AKAP13: variants seen among roughly 807,000 people sequenced by gnomAD.
AKAP13 encodes the protein A-kinase anchoring protein 13, also known as A-kinase anchor protein 13.
AKAP13 carries 80 observed loss-of-function variants against 264.5 expected under a neutral mutation model. The ratio of observed to expected loss-of-function variants is 0.30; its 90% CI spans 0.25 to 0.36. AKAP13 has a LOEUF of 0.36. AKAP13 is among the 10% of genes least tolerant of loss of function. The probability of loss-of-function intolerance (pLI) is 1.00; values close to 1 mark genes in which losing one functional copy is unlikely to be tolerated. For synonymous variants in AKAP13, 1,380 were observed against 1,250.2 expected (o/e 1.10, Z -2.19); for missense variants, 3,712 against 3,435.2 (o/e 1.08, Z -2.01).
At chr15:85,471,832 T>G (rs2074971952) in intron 1 of AKAP13, among the ~76,000 whole-genome samples, 1 of 152,232 alleles carries the variant, frequency 6.6e-6, no homozygotes, top group Non-Finnish European at 1.5e-5. Flanking sequence ...GATTTGAATA[T>G]TTTAAGTCAT....
At chr15:85,611,268 G>A (rs1200627966) in intron 8 of AKAP13, among the ~76,000 whole-genome samples, 3 of 152,078 alleles carry the variant, frequency 2.0e-5, no homozygotes, top group Non-Finnish European at 4.4e-5. Flanking sequence ...CTGAGTTCCA[G>A]TCACACACTT....
intron 2 of AKAP13, among the ~76,000 whole-genome samples, chr15:85,517,005 A>T (rs543934939): frequency 2.0e-5 from 3 of 152,314 alleles, no homozygotes; most frequent in African/African-American, 7.2e-5. Context: ...AGCCTATATC[A>T]TGTAATTTTT....
At chr15:85,460,357 C>T (rs1036870833) in intron 1 of AKAP13, among the ~76,000 whole-genome samples, 1 of 152,192 alleles carries the variant, frequency 6.6e-6, no homozygotes, top group East Asian at 1.9e-4. Context: ...GCTCGCCCTG[C>T]ATTTTACCCA....
At chr15:85,716,422 C>G (rs946898751) in intron 20 of AKAP13, among the ~76,000 whole-genome samples, 1 of 151,794 alleles carries the variant, frequency 6.6e-6, no homozygotes, top group African/African-American at 2.4e-5. Flanking sequence ...CTCACTCACT[C>G]GTTTGCACTG....
At chr15:85,597,423 G>A (rs1220439818) in intron 8 of AKAP13, among the ~76,000 whole-genome samples, 3 of 152,136 alleles carry the variant, frequency 2.0e-5, no homozygotes, top group Non-Finnish European at 4.4e-5. Flanking sequence ...TGTTTCTGCT[G>A]GAGATTCTTA....
chr15:85,517,742 G>T (rs528387232), intron 2 of AKAP13, among the ~76,000 whole-genome samples: 3 of 152,064 alleles, frequency 2.0e-5, no homozygotes, highest in African/African-American at 7.2e-5. Flanking sequence ...ATATGGGGGT[G>T]GGGGGAGCTA....
At position 85,693,473 on chromosome 15, in the gene AKAP13, C is replaced by T. The variant is rs74665718; in HGVS notation, c.5464+22C>T. 11,107 of 1,608,808 alleles carry T rather than the reference C, an allele frequency of 6.9e-3. 94 individuals are homozygous for T. Among genetic ancestry groups the T allele is most frequent in the Admixed American group, 0.035 (2,071 of 58,474 alleles). Reference sequence around the variant, plus strand: ...GCAAGTAAGAGACATGCTTCTTCCTCTCGTAAGATGGAACTCTCTTGGCTC... The same window carrying T: ...GCAAGTAAGAGACATGCTTCTTCCTTTCGTAAGATGGAACTCTCTTGGCTC... On this transcript the variant is annotated intron_variant, in intron 17 of 36. Transcript: ENST00000394518.
At chr15:85,676,131 T>A (rs2084215831) in intron 14 of AKAP13, among the ~76,000 whole-genome samples, 1 of 152,142 alleles carries the variant, frequency 6.6e-6, no homozygotes, top group Admixed American at 6.5e-5. Context: ...CAGGCTAGTC[T>A]CAAACTCCTG....
intron 1 of AKAP13, among the ~76,000 whole-genome samples, chr15:85,423,061 C>G (rs1282539365): frequency 6.6e-6 from 1 of 152,148 alleles, no homozygotes; most frequent in Non-Finnish European, 1.5e-5. Context: ...AAAAATATTG[C>G]TAAAAAATGC....
intron 8 of AKAP13, among the ~76,000 whole-genome samples, chr15:85,587,453 A>G (rs1051573570): frequency 2.0e-5 from 3 of 151,988 alleles, no homozygotes; most frequent in Non-Finnish European, 4.4e-5. Context: ...GTGGATTTGG[A>G]TTGTTTCCAC....
chr15:85,425,001 A>G (rs1264785913), intron 1 of AKAP13, among the ~76,000 whole-genome samples: 2 of 152,190 alleles, frequency 1.3e-5, no homozygotes, highest in Non-Finnish European at 2.9e-5. Context: ...AACAATTACA[A>G]TAGTAAAATA....
chr15:85,417,053 T>G (rs1176601355), intron 1 of AKAP13, among the ~76,000 whole-genome samples: 2 of 152,254 alleles, frequency 1.3e-5, no homozygotes, highest in Non-Finnish European at 2.9e-5. Flanking sequence ...AAAAGAAAAT[T>G]AATGCTTAAC....
chr15:85,653,544 A>T (rs1475222615), intron 10 of AKAP13, among the ~76,000 whole-genome samples: 1 of 152,222 alleles, frequency 6.6e-6, no homozygotes, highest in African/African-American at 2.4e-5. Flanking sequence ...GTGCTTTTAG[A>T]AGGTAGTGTG....
chr15:85,699,714 T>A (rs1431830415), intron 17 of AKAP13, among the ~76,000 whole-genome samples: 1 of 152,242 alleles, frequency 6.6e-6, no homozygotes, highest in Non-Finnish European at 1.5e-5. Context: ...AGTTGGTATT[T>A]GATTTGAGAA....
rs773151980 is a variant in AKAP13, at chr15:85,741,457, C to T, written c.8020C>T (p.Arg2674Trp). Residue 2674 changes from arginine to tryptophan, a missense_variant, in exon 35 of 37, where the codon CGG (arginine) becomes TGG (tryptophan). Coordinates refer to ENST00000394518, the MANE Select transcript of AKAP13 (RefSeq NM_007200.5). ...EQEQLRREAE[R>W]LSQRQTERDL... ...GGAGCAGCTGCGCCGGGAGGCAGAG[C>T]GGCTCAGCCAGCGGCAGACAGAACG... 5 of 1,605,690 alleles carry T rather than the reference C, an allele frequency of 3.1e-6. No homozygotes were observed. The highest frequency in any genetic ancestry group is 1.3e-5 in the African/African-American group (1 of 74,866).
chr15:85,536,208 A>G (rs1418472065), intron 4 of AKAP13: 2 of 152,218 alleles, frequency 1.3e-5, no homozygotes, highest in East Asian at 3.8e-4. Context: ...CTGTTGCACA[A>G]AATTGCTCAA....
intron 1 of AKAP13, among the ~76,000 whole-genome samples, chr15:85,431,784 A>G (rs2073033407): frequency 6.6e-6 from 1 of 152,222 alleles, no homozygotes; most frequent in African/African-American, 2.4e-5. Flanking sequence ...TGTAGGCAAT[A>G]TGAAACTCAA....
intron 10 of AKAP13, among the ~76,000 whole-genome samples, chr15:85,649,541 AACCATG>A (rs1405852044): frequency 6.6e-6 from 1 of 152,186 alleles, no homozygotes; most frequent in African/African-American, 2.4e-5. Flanking sequence ...TTTTTCTGTG[AACCATG>A]AGTGGTACAT....
chr15:85,743,504 C>G lies in AKAP13; in HGVS notation c.8071C>G (p.His2691Asp). Residue 2691 changes from histidine (H) to aspartate (D), a missense_variant, in exon 36 of 37, where the codon CAT becomes GAT. His to Asp is a moderately conservative substitution (Grantham distance 81, BLOSUM62 -1). Around this residue, in one of 3 missense-constraint regions of AKAP13, gnomAD observed 611 missense variants for 539.3 expected, o/e 1.13. Coordinates refer to ENST00000394518, the MANE Select transcript of AKAP13 (RefSeq NM_007200.5). The part of the protein sequence containing the change: ...ERDLCQVSHP[H>D]TKLMRIPSFF... ...TGAATATGTACAGGTTTCCCATCCA[C>G]ATACCAAGCTGATGAGGATCCCATC... 2.5e-6 allele frequency: 4 copies of G among 1,613,818 alleles called. No individual in the cohort carries two copies. The highest frequency in any genetic ancestry group is 3.4e-6 in the Non-Finnish European group (4 of 1,179,770).
Sources: gnomAD v4.1 joint callset for allele counts (sites outside exome capture counted in the v4.1 genomes callset) on GRCh38, gnomAD v4.1.1 for gene constraint, gnomAD v4.1.1 regional missense constraint, MANE v1.5 for transcripts, NCBI Gene and HGNC (gene_info 2026-07-23, HGNC 2026-07-21) for gene names.